The following RASSF8 variants were observed in gnomAD, a reference collection of about 807,000 sequenced individuals.
The protein encoded by RASSF8 is Ras association domain family member 8, also known as ras association domain-containing protein 8.
RASSF8 carries 22 observed loss-of-function variants against 48.5 expected under a neutral mutation model. The observed-to-expected ratio is 0.45, with a 90% confidence interval of 0.32 to 0.65. RASSF8 has a LOEUF of 0.65. Ranked by LOEUF, RASSF8 falls within the 30% of genes least tolerant of loss-of-function variation. The probability of loss-of-function intolerance (pLI) is 0.03; values close to 1 mark genes in which losing one functional copy is unlikely to be tolerated. For synonymous variants in RASSF8, 127 were observed against 171.5 expected (o/e 0.74, Z 2.03); for missense variants, 418 against 489.2 (o/e 0.85, Z 1.37).
intron 3 of RASSF8, among the ~76,000 whole-genome samples, chr12:26,063,690 G>T (rs1294735697): frequency 1.3e-5 from 2 of 151,380 alleles, no homozygotes; most frequent in Non-Finnish European, 2.9e-5. Flanking sequence ...GTGAGCCACT[G>T]CACCCAGCCT....
chr12:25,959,694 A>G (rs910119970), intron 1 of RASSF8: 1 of 152,210 alleles, frequency 6.6e-6, no homozygotes, highest in Non-Finnish European at 1.5e-5. Context: ...TCTGACTTGC[A>G]AACTAGAAAG....
chr12:26,074,101 A>G (rs1944049002), downstream of RASSF8, among the ~76,000 whole-genome samples: 1 of 152,142 alleles, frequency 6.6e-6, no homozygotes, highest in African/African-American at 2.4e-5. Flanking sequence ...TTAAAATGTT[A>G]ATTATCCACC....
intron 2 of RASSF8, among the ~76,000 whole-genome samples, chr12:25,995,738 C>T (rs1445039068): frequency 6.6e-6 from 1 of 152,116 alleles, no homozygotes; most frequent in Admixed American, 6.5e-5. Flanking sequence ...TATATCATCT[C>T]TTGTCTCTTG....
At chr12:26,077,380 T>C (rs1441576830), downstream of RASSF8, among the ~76,000 whole-genome samples, 1 of 152,150 alleles carries the variant, frequency 6.6e-6, no homozygotes, top group Non-Finnish European at 1.5e-5. Context: ...TCTACTAGGG[T>C]TTTTATGGTT....
At chr12:26,039,087 G>A (rs1409754683) in intron 2 of RASSF8, among the ~76,000 whole-genome samples, 1 of 152,174 alleles carries the variant, frequency 6.6e-6, no homozygotes, top group African/African-American at 2.4e-5. Flanking sequence ...ATTGGGAAAG[G>A]AATGATCCAC....
intron 1 of RASSF8, among the ~76,000 whole-genome samples, chr12:25,961,822 G>A (rs1221391856): frequency 6.6e-6 from 1 of 152,052 alleles, no homozygotes; most frequent in Non-Finnish European, 1.5e-5. Flanking sequence ...TCCATCCAAG[G>A]AGTAGCTCAC....
At chr12:26,033,907 A>G (rs951802664) in intron 2 of RASSF8, among the ~76,000 whole-genome samples, 1 of 152,002 alleles carries the variant, frequency 6.6e-6, no homozygotes, top group East Asian at 1.9e-4. Flanking sequence ...TAAAATGGGG[A>G]TGAGAATAAA....
chr12:26,031,125 T>TA (rs1271961251), intron 2 of RASSF8, among the ~76,000 whole-genome samples: 13 of 152,138 alleles, frequency 8.5e-5, no homozygotes, highest in Non-Finnish European at 1.5e-4. Context: ...AACAATCAAA[T>TA]AAGCTTTATT....
chr12:26,008,913 G>T lies in RASSF8; in HGVS notation c.-109+13783G>T, dbSNP rs2669569. On this transcript the variant is annotated intron_variant, in intron 2 of 5. Transcript: ENST00000689635. ...TTCATCTTGGTGGTCCTGGTGCATA[G>T]CCAGTAGATAAAGCTCTGCCAAATG... Among the ~76,000 whole-genome samples the T allele has an allele frequency of 8.7e-3, 1,329 of 152,098 alleles. 16 individuals are homozygous for T. Among genetic ancestry groups the T allele is most frequent in the African/African-American group, 0.03 (1,261 of 41,478 alleles).
rs377439827 is a variant in RASSF8 at position 26,065,165 on chromosome 12, A to G, written c.771A>G (p.Lys257=). 73 of 1,613,898 alleles carry G rather than the reference A, an allele frequency of 4.5e-5. No individual in the cohort carries two copies. The highest frequency in any genetic ancestry group is 1.6e-4 in the Middle Eastern group (1 of 6,084). Residue 257 remains lysine (K), a synonymous_variant, in exon 4 of 6, where the codon AAA becomes AAG. Transcript: ENST00000689635. ...IRQKITECEN[K]LKDYLAQIRT... ...AGAAAATAACAGAATGTGAAAACAA[A>G]TTAAAGGACTATTTGGCACAGATCC...
At chr12:26,024,256 C>T (rs1942854390) in intron 2 of RASSF8, among the ~76,000 whole-genome samples, 1 of 152,144 alleles carries the variant, frequency 6.6e-6, no homozygotes, top group Non-Finnish European at 1.5e-5. Flanking sequence ...CCACCCCAGC[C>T]TCCCCAAATG....
chr12:26,052,275 AAT>A (rs1223103453), intron 2 of RASSF8, among the ~76,000 whole-genome samples: 18 of 152,350 alleles, frequency 1.2e-4, no homozygotes, highest in African/African-American at 3.8e-4. Context: ...ATCTTGAGGT[AAT>A]ATGTTTCCAC....
intron 5 of RASSF8, among the ~76,000 whole-genome samples, chr12:26,067,943 G>T (rs557858616): frequency 6.6e-6 from 1 of 151,812 alleles, no homozygotes; most frequent in South Asian, 2.1e-4. Flanking sequence ...TTCTTTTTTT[G>T]TATTTCTTGT....
intron 2 of RASSF8, among the ~76,000 whole-genome samples, chr12:26,018,930 C>A (rs1942719724): frequency 6.6e-6 from 1 of 152,228 alleles, no homozygotes; most frequent in African/African-American, 2.4e-5. Context: ...TCCCATGCAT[C>A]ATGGCTAAGT....
chr12:26,014,606 T>C (rs1340082930), intron 2 of RASSF8, among the ~76,000 whole-genome samples: 1 of 151,888 alleles, frequency 6.6e-6, no homozygotes, highest in Non-Finnish European at 1.5e-5. Flanking sequence ...TCATAGTATG[T>C]ATTTATTTGA....
chr12:25,961,666 G>A (rs772450015), intron 1 of RASSF8, among the ~76,000 whole-genome samples: 3 of 152,032 alleles, frequency 2.0e-5, no homozygotes, highest in Non-Finnish European at 4.4e-5. Context: ...CTACTTAAAG[G>A]GATGCTATGG....
At chr12:26,018,115 C>T (rs577254031) in intron 2 of RASSF8, among the ~76,000 whole-genome samples, 401 of 130,418 alleles carry the variant, frequency 3.1e-3, no homozygotes, top group Middle Eastern at 7.9e-3. Context: ...TATCTGTATT[C>T]TTGAGATGAA....
At chr12:26,002,692 T>C (rs1048857207) in intron 2 of RASSF8, among the ~76,000 whole-genome samples, 1 of 152,160 alleles carries the variant, frequency 6.6e-6, no homozygotes, top group African/African-American at 2.4e-5. Flanking sequence ...GGAGAATCAC[T>C]TGAACCCAGG....
At position 26,036,894 on chromosome 12, in the gene RASSF8, C is replaced by T. The variant is rs1267537198; in HGVS notation, c.-108-18342C>T. Among the ~76,000 whole-genome samples, 7 of 151,350 alleles carry T rather than the reference C, an allele frequency of 4.6e-5. 1 individual carries two copies. The highest frequency in any genetic ancestry group is 1.9e-4 in the East Asian group (1 of 5,152). ...TAACACCACTGCACTCCAGCCTGGGCGACAGAGCAAGACTCCATCACAAAA... is the reference window on the plus strand; with the variant it reads ...TAACACCACTGCACTCCAGCCTGGGTGACAGAGCAAGACTCCATCACAAAA... On this transcript the variant is annotated intron_variant, in intron 2 of 5. Coordinates refer to ENST00000689635, the MANE Select transcript of RASSF8 (RefSeq NM_001394098.1).
Sources: allele counts gnomAD v4.1 joint callset (sites outside exome capture counted in the v4.1 genomes callset), GRCh38; gene constraint gnomAD v4.1.1; transcripts MANE v1.5; gene names NCBI Gene and HGNC (gene_info 2026-07-23, HGNC 2026-07-21).